LRMDA: variants seen among roughly 807,000 people sequenced by gnomAD.
LRMDA encodes leucine-rich melanocyte differentiation-associated protein.
LRMDA carries 18 observed loss-of-function variants against 29.8 expected under a neutral mutation model. The ratio of observed to expected loss-of-function variants is 0.60; its 90% CI spans 0.42 to 0.90. The LOEUF is 0.90. Among genes scored for constraint, LRMDA ranks in the 40% least tolerant of loss-of-function variants. The pLI, the probability that LRMDA is intolerant of heterozygous loss-of-function variation, is 0.00. For synonymous variants in LRMDA, 125 were observed against 109.4 expected, an observed-to-expected ratio of 1.14 and a Z score of -0.89; for missense variants, 273 against 273.9, an observed-to-expected ratio of 1.00 and a Z score of 0.02.
At chr10:75,881,492 C>G (rs79060853) in intron 2 of LRMDA, among the ~76,000 whole-genome samples, 4,080 of 152,268 alleles carry the variant, frequency 0.027, 73 homozygotes, top group South Asian at 0.055. Context: ...CTCTCCCCCC[C>G]ACTACCCCTA....
At chr10:76,230,848 A>G (rs1376253854) in intron 5 of LRMDA, among the ~76,000 whole-genome samples, 2 of 152,242 alleles carry the variant, frequency 1.3e-5, no homozygotes, top group African/African-American at 4.8e-5. Flanking sequence ...GATTGTTAAT[A>G]GGCTGGAGTA....
At chr10:76,478,128 GA>G (rs1375502354) in intron 6 of LRMDA, among the ~76,000 whole-genome samples, 1 of 151,622 alleles carries the variant, frequency 6.6e-6, no homozygotes, top group East Asian at 2.0e-4. Flanking sequence ...CTACAGATGG[GA>G]AAAAATTTTT....
chr10:75,774,413 G>C, intron 2 of LRMDA, among the ~76,000 whole-genome samples: 1 of 151,808 alleles, frequency 6.6e-6, no homozygotes, highest in Non-Finnish European at 1.5e-5. Flanking sequence ...ATACTTTTTG[G>C]ATTCATAACA....
chr10:76,514,337 C>A (rs1843038797), intron 6 of LRMDA, among the ~76,000 whole-genome samples: 1 of 152,142 alleles, frequency 6.6e-6, no homozygotes, highest in African/African-American at 2.4e-5. Context: ...GTGGCCATCA[C>A]CTAGATCATC....
At chr10:75,550,710 A>C (rs920537282) in intron 2 of LRMDA, among the ~76,000 whole-genome samples, 1 of 151,746 alleles carries the variant, frequency 6.6e-6, no homozygotes, top group Non-Finnish European at 1.5e-5. Flanking sequence ...ATTGTTTTCT[A>C]TGTGTCTTAT....
At chr10:76,482,720 T>C (rs192307036) in intron 6 of LRMDA, among the ~76,000 whole-genome samples, 74 of 152,122 alleles carry the variant, frequency 4.9e-4, no homozygotes, top group Non-Finnish European at 1.8e-4. Flanking sequence ...TTGCTGTGAA[T>C]AGAATGTGCA....
intron 2 of LRMDA, among the ~76,000 whole-genome samples, chr10:75,456,435 G>A (rs1214241936): frequency 6.6e-6 from 1 of 152,206 alleles, no homozygotes; most frequent in African/African-American, 2.4e-5. Flanking sequence ...CAGTGTTTCT[G>A]CAAGGCCAGC....
At chr10:76,150,515 A>G (rs1045555437) in intron 5 of LRMDA, among the ~76,000 whole-genome samples, 1 of 152,142 alleles carries the variant, frequency 6.6e-6, no homozygotes, top group African/African-American at 2.4e-5. Context: ...GCCCCTTAAC[A>G]TGTCAGAATG....
intron 5 of LRMDA, among the ~76,000 whole-genome samples, chr10:76,144,116 T>C (rs1434117052): frequency 1.6e-4 from 24 of 152,020 alleles, no homozygotes; most frequent in African/African-American, 9.7e-5. Context: ...AGTTTGAAGT[T>C]AGGTAGTGTG....
chr10:75,552,313 A>C (rs1007008508), intron 2 of LRMDA: 3 of 166,776 alleles, frequency 1.8e-5, no homozygotes, highest in African/African-American at 7.2e-5. Flanking sequence ...TTCCATGTGG[A>C]CAGTTTTTTC....
chr10:75,786,592 A>G (rs1379965799), intron 2 of LRMDA, among the ~76,000 whole-genome samples: 1 of 152,042 alleles, frequency 6.6e-6, no homozygotes, highest in Non-Finnish European at 1.5e-5. Context: ...AATGGTATCT[A>G]TTCTTCAGGG....
At chr10:76,546,443 G>A (rs1843422096) in intron 6 of LRMDA, among the ~76,000 whole-genome samples, 2 of 152,132 alleles carry the variant, frequency 1.3e-5, no homozygotes, top group Non-Finnish European at 2.9e-5. Flanking sequence ...AATTCAAAAA[G>A]GTTTCTAGCT....
intron 6 of LRMDA, among the ~76,000 whole-genome samples, chr10:76,415,163 A>G (rs916610234): frequency 2.0e-5 from 3 of 152,214 alleles, no homozygotes; most frequent in Admixed American, 2.0e-4. Context: ...TCTTCAATAC[A>G]TTGGTCTGGG....
chr10:76,549,188 C>T (rs1843457941), intron 6 of LRMDA, among the ~76,000 whole-genome samples: 1 of 152,146 alleles, frequency 6.6e-6, no homozygotes, highest in Admixed American at 6.5e-5. Context: ...TCTGGTTTGT[C>T]ACACGACAAT....
chr10:75,668,232 T>G (rs924840043), intron 2 of LRMDA, among the ~76,000 whole-genome samples: 1 of 152,222 alleles, frequency 6.6e-6, no homozygotes, highest in Non-Finnish European at 1.5e-5. Context: ...TAAGGCTCTT[T>G]TCTTCTCAGA....
intron 2 of LRMDA, among the ~76,000 whole-genome samples, chr10:75,495,535 T>G (rs972590110): frequency 1.3e-5 from 2 of 152,212 alleles, no homozygotes; most frequent in African/African-American, 4.8e-5. Flanking sequence ...GAATGGTTCT[T>G]GGAAGCCTCT....
intron 2 of LRMDA, among the ~76,000 whole-genome samples, chr10:75,712,400 C>G (rs1033313348): frequency 7.5e-6 from 1 of 133,920 alleles, no homozygotes; most frequent in African/African-American, 2.8e-5. Flanking sequence ...GTCAGCAGAT[C>G]GCGGATCCGG....
intron 5 of LRMDA, among the ~76,000 whole-genome samples, chr10:76,091,641 C>T (rs970762477): frequency 6.6e-6 from 1 of 152,036 alleles, no homozygotes; most frequent in Non-Finnish European, 1.5e-5. Flanking sequence ...CCTGGTGCTT[C>T]CTCCCTGCCA....
At chr10:76,417,417 A>G (rs1171042662) in intron 6 of LRMDA, among the ~76,000 whole-genome samples, 1 of 152,136 alleles carries the variant, frequency 6.6e-6, no homozygotes, top group Admixed American at 6.5e-5. Context: ...TCTATACAAT[A>G]TGCACAAATC....
Sources: allele counts gnomAD v4.1 joint callset (sites outside exome capture counted in the v4.1 genomes callset), GRCh38; gene constraint gnomAD v4.1.1; transcripts MANE v1.5; gene names NCBI Gene and HGNC (gene_info 2026-07-23, HGNC 2026-07-21).